The following EPS8 variants were observed in gnomAD, a reference collection of about 807,000 sequenced individuals.
The protein encoded by EPS8 is EGFR pathway substrate 8, signaling adaptor, also known as epidermal growth factor receptor kinase substrate 8.
EPS8 carries 42 observed loss-of-function variants against 103.8 expected under a neutral mutation model. That is an observed-to-expected ratio of 0.40 (90% CI 0.32 to 0.52). The LOEUF (loss-of-function observed/expected upper bound fraction) is 0.52. Among genes scored for constraint, EPS8 ranks in the 20% least tolerant of loss-of-function variants. The pLI, the probability that EPS8 is intolerant of heterozygous loss-of-function variation, is 0.40. For missense variants in EPS8, 969 were observed against 1,005.1 expected (o/e 0.96, Z 0.49); for synonymous variants, 344 against 344.6 (o/e 1.00, Z 0.02).
intron 1 of EPS8, among the ~76,000 whole-genome samples, chr12:15,783,953 C>T (rs1947285427): frequency 6.6e-6 from 1 of 151,614 alleles, no homozygotes; most frequent in Admixed American, 6.6e-5. Flanking sequence ...ACTAGGAATC[C>T]ATATGCAAAA....
At chr12:15,650,349 A>C (rs932152875) in intron 14 of EPS8, among the ~76,000 whole-genome samples, 1 of 152,202 alleles carries the variant, frequency 6.6e-6, no homozygotes, top group Non-Finnish European at 1.5e-5. Context: ...AGCAACGTGA[A>C]GAGAAGGAGA....
intron 1 of EPS8, among the ~76,000 whole-genome samples, chr12:15,685,313 C>T (rs988449595): frequency 2.6e-5 from 4 of 151,946 alleles, no homozygotes; most frequent in Non-Finnish European, 5.9e-5. Flanking sequence ...GCTCACAGTG[C>T]TAGTGTAAAG....
rs1947108696 is a variant in EPS8, at chr12:15,767,362, G to A, written c.-22+21799C>T. On this transcript the variant is annotated intron_variant, in intron 1 of 20. Coordinates refer to ENST00000281172, the MANE Select transcript of EPS8 (RefSeq NM_004447.6). This position sits in a 1 kb window ranked among gnomAD's most constrained non-coding sequence, Gnocchi z 5.5. ...CTACTGTTCACCAGTGGAATTTTATGCAGAAAAATGTTTCTGCTATGAAAT... is the reference window on the plus strand; with the variant it reads ...CTACTGTTCACCAGTGGAATTTTATACAGAAAAATGTTTCTGCTATGAAAT... Among the ~76,000 whole-genome samples, 1 of 152,136 alleles carries A rather than the reference G, an allele frequency of 6.6e-6. No individual in the cohort carries two copies. Among genetic ancestry groups the A allele is most frequent in the Non-Finnish European group, 1.5e-5 (1 of 68,026 alleles).
chr12:15,655,064 G>C (rs555017060), intron 12 of EPS8, among the ~76,000 whole-genome samples: 27 of 152,182 alleles, frequency 1.8e-4, no homozygotes, highest in Non-Finnish European at 1.9e-4. Context: ...TCAGAGATGC[G>C]GCACAAGAAG....
At chr12:15,677,364 C>T (rs1591846320) in intron 3 of EPS8, among the ~76,000 whole-genome samples, 3 of 152,074 alleles carry the variant, frequency 2.0e-5, no homozygotes, top group East Asian at 1.9e-4. Context: ...GCTGCCTTTC[C>T]GAGCACATTC....
rs377598295 is a variant in EPS8 at position 15,705,790 on chromosome 12, C to G, written c.-21-22818G>C. The stretch of plus-strand genomic sequence containing the variant: ...TTGTTTTCCTCACTGTTCAAAACTT[C>G]CAACTCTTAGCAAACACTAACCTCA... On this transcript the variant is annotated intron_variant, in intron 1 of 20. Coordinates refer to ENST00000281172, the MANE Select transcript of EPS8 (RefSeq NM_004447.6). Among the ~76,000 whole-genome samples, 5 of 152,172 alleles carry G rather than the reference C, an allele frequency of 3.3e-5. No individual in the cohort carries two copies. The East Asian group carries it at 9.6e-4, about 29-fold the overall frequency.
At chr12:15,739,554 C>T (rs1376261801) in intron 1 of EPS8, among the ~76,000 whole-genome samples, 1 of 152,132 alleles carries the variant, frequency 6.6e-6, no homozygotes, top group Non-Finnish European at 1.5e-5. Context: ...ATAGTCAGGA[C>T]ACCCTTCTTC....
At chr12:15,652,079 A>G (rs1336205438) in intron 13 of EPS8, among the ~76,000 whole-genome samples, 1 of 152,186 alleles carries the variant, frequency 6.6e-6, no homozygotes, top group Non-Finnish European at 1.5e-5. Context: ...TCATAAAATC[A>G]TAACCTATAT....
chr12:15,687,383 T>G (rs112206050), intron 1 of EPS8, among the ~76,000 whole-genome samples: 12 of 152,302 alleles, frequency 7.9e-5, no homozygotes, highest in African/African-American at 2.9e-4. Context: ...CTAGACCATA[T>G]AGAAGAACAG....
At position 15,663,202 on chromosome 12, in the gene EPS8, C is replaced by A. The variant is rs58692923; in HGVS notation, c.737-1103G>T. On this transcript the variant is annotated intron_variant, in intron 8 of 20. Transcript: ENST00000281172. ...TTGAGGTTGAAATAGCTATTAGGAA[C>A]TCTACAGAGGCCCCAAAAAATATCA... 8.4e-3 allele frequency among the ~76,000 whole-genome samples: 1,276 copies of A among 152,084 alleles called. 16 individuals are homozygous for A. The highest frequency in any genetic ancestry group is 0.029 in the African/African-American group (1,200 of 41,400).
intron 1 of EPS8, chr12:15,683,386 A>C (rs1381814398): frequency 6.5e-6 from 1 of 153,554 alleles, no homozygotes; most frequent in African/African-American, 2.4e-5. Context: ...AAAAGTACAA[A>C]AGCAAAAAGT....
chr12:15,777,789 G>C lies in EPS8; in HGVS notation c.-22+11372C>G, dbSNP rs1356593771. Among the ~76,000 whole-genome samples the C allele has an allele frequency of 6.6e-6, 1 of 152,178 alleles. No homozygotes were observed. The highest frequency in any genetic ancestry group is 6.5e-5 in the Admixed American group (1 of 15,284). ...GGAGGAGGAAAAGAGTTGGGAAAGGGGGTGATGAAGGAAAGCCCACATGGT... is the reference window on the plus strand; with the variant it reads ...GGAGGAGGAAAAGAGTTGGGAAAGGCGGTGATGAAGGAAAGCCCACATGGT... On this transcript the variant is annotated intron_variant, in intron 1 of 20. Coordinates refer to ENST00000281172, the MANE Select transcript of EPS8 (RefSeq NM_004447.6). The surrounding 1 kb of genome is among the most constrained non-coding windows in gnomAD (Gnocchi z 4.7).
rs1366138244 is a variant in EPS8 at position 15,700,012 on chromosome 12, G to T, written c.-21-17040C>A. Among the ~76,000 whole-genome samples the T allele has an allele frequency of 6.6e-6, 1 of 152,144 alleles. No individual in the cohort carries two copies. Among genetic ancestry groups the T allele is most frequent in the Non-Finnish European group, 1.5e-5 (1 of 68,038 alleles). On this transcript the variant is annotated intron_variant, in intron 1 of 20. Transcript: ENST00000281172. The surrounding 1 kb of genome is among the most constrained non-coding windows in gnomAD (Gnocchi z 5.1). The stretch of plus-strand genomic sequence containing the variant: ...CTACTAAAAACACAAACATTAGCCG[G>T]ACGTGGTGCTACACAACGTGTAGTC...
chr12:15,669,813 A>G lies in EPS8; in HGVS notation c.217T>C (p.Phe73Leu). The change falls in exon 5 of 21, where the codon TTT (phenylalanine) becomes CTT (leucine). Residue 73 changes from phenylalanine to leucine, a missense_variant. Physicochemically the swap from Phe to Leu is conservative, Grantham distance 22 (BLOSUM62 0). Transcript: ENST00000281172. The part of the protein sequence containing the change: ...SQYRVEHLTT[F>L]VLDRKDAMIT... ...ATAGCATCTTTCCGATCCAGGACAA[A>G]GGTAGTCAAGTGCTTACAATTGGCA... The G allele has an allele frequency of 1.2e-6, 2 of 1,600,510 alleles. No individual in the cohort carries two copies. Among genetic ancestry groups the G allele is most frequent in the Non-Finnish European group, 1.7e-6 (2 of 1,175,114 alleles).
At chr12:15,679,411 A>G (rs1351916598) in intron 3 of EPS8, among the ~76,000 whole-genome samples, 1 of 152,204 alleles carries the variant, frequency 6.6e-6, no homozygotes, top group Non-Finnish European at 1.5e-5. Context: ...GCATCTGATT[A>G]ATTCATTACA....
At chr12:15,709,814 T>G (rs142764752) in intron 1 of EPS8, among the ~76,000 whole-genome samples, 1 of 152,294 alleles carries the variant, frequency 6.6e-6, no homozygotes, top group African/African-American at 2.4e-5. Context: ...GGAAGACAAT[T>G]TTTCCAAGGC....
rs140967280 is a variant in EPS8, at chr12:15,785,068, C to T, written c.-22+4093G>A. 1.3e-5 allele frequency among the ~76,000 whole-genome samples: 2 copies of T among 151,944 alleles called. No homozygotes were observed. The highest frequency in any genetic ancestry group is 2.9e-5 in the Non-Finnish European group (2 of 67,938). ...CATCAAATTAAGTATTTGTCAAAAC[C>T]CAAAGAACTTCACAGGACAAAGAGT... is the stretch of plus-strand genomic sequence containing the variant. On this transcript the variant is annotated intron_variant, in intron 1 of 20. Coordinates refer to ENST00000281172, the MANE Select transcript of EPS8 (RefSeq NM_004447.6). This position sits in a 1 kb window ranked among gnomAD's most constrained non-coding sequence, Gnocchi z 4.9.
chr12:15,623,494 T>C (rs1156429119), intron 19 of EPS8, among the ~76,000 whole-genome samples: 2 of 152,164 alleles, frequency 1.3e-5, no homozygotes, highest in Admixed American at 1.3e-4. Context: ...AGATTATTAA[T>C]TACAAAGTAT....
At position 15,654,240 on chromosome 12, in the gene EPS8, T is replaced by C. The variant is rs529942335; in HGVS notation, c.1155A>G (p.Leu385=). The change falls in exon 13 of 21, where the codon CTA becomes CTG. Residue 385 remains leucine (L), a synonymous_variant. Transcript: ENST00000281172. ...AGAAATCAATTGTGTCCTTATTCAA[T>C]AGGGGACTAAGTACTGAACTGGCTA... The part of the protein sequence containing the change: ...PELASSVLSP[L]LNKDTIDFLN... 30 of 1,613,514 alleles carry C rather than the reference T, an allele frequency of 1.9e-5. No homozygotes were observed. Among genetic ancestry groups the C allele is most frequent in the Non-Finnish European group, 2.2e-5 (26 of 1,179,506 alleles).
Sources: allele counts gnomAD v4.1 joint callset (sites outside exome capture counted in the v4.1 genomes callset), GRCh38; gene constraint gnomAD v4.1.1; non-coding constraint Gnocchi (gnomAD v3.1); transcripts MANE v1.5; gene names NCBI Gene and HGNC (gene_info 2026-07-23, HGNC 2026-07-21).